Variants in SMPDL3B observed in about 807,000 individuals in gnomAD.
The protein encoded by SMPDL3B is acid sphingomyelinase-like phosphodiesterase 3b.
SMPDL3B carries 31 observed loss-of-function variants against 37.9 expected under a neutral mutation model. The ratio of observed to expected loss-of-function variants is 0.82; its 90% CI spans 0.61 to 1.10. The LOEUF is 1.10. Among genes scored for constraint, SMPDL3B ranks in the 50% least tolerant of loss-of-function variants. The pLI is 0.00. For synonymous variants in SMPDL3B, 235 were observed against 242.6 expected (o/e 0.97, Z 0.29); for missense variants, 525 against 597.8 (o/e 0.88, Z 1.27).
In SMPDL3B at chr1:27,953,240, A is replaced by G; in HGVS notation, c.399A>G (p.Gly133=). ...FPDTKVYAAL[G]NHDFHPKNQF... ...ATACTAAAGTCTATGCTGCTTTGGGAAATCATGATTTTCACCCCAAAAACC... is the reference window on the plus strand; with the variant it reads ...ATACTAAAGTCTATGCTGCTTTGGGGAATCATGATTTTCACCCCAAAAACC... Residue 133 remains glycine (G), a synonymous_variant, in exon 4 of 8, where the codon GGA becomes GGG. Transcript: ENST00000373894. The G allele has an allele frequency of 6.2e-7, 1 of 1,613,666 alleles. No homozygotes were observed. Among genetic ancestry groups the G allele is most frequent in the South Asian group, 1.1e-5 (1 of 91,022 alleles).
rs1421556651 is a variant in SMPDL3B, at chr1:27,953,367, A to G, written c.517+9A>G. On this transcript the variant is annotated intron_variant, in intron 4 of 7. Transcript: ENST00000373894. ...CGCTCTCTTCAAAAAAGGTACCAAC[A>G]CCACCTGCTCCTATCAAGAGCACTT... 2 of 1,607,366 alleles carry G rather than the reference A, an allele frequency of 1.2e-6. No homozygotes were observed. The highest frequency in any genetic ancestry group is 2.2e-5 in the East Asian group (1 of 44,822).
rs763002127 is a variant in SMPDL3B at position 27,953,273 on chromosome 1, A to C, written c.432A>C (p.Pro144=). The C allele has an allele frequency of 6.2e-7, 1 of 1,613,812 alleles. No individual in the cohort carries two copies. Among genetic ancestry groups the C allele is most frequent in the Admixed American group, 1.7e-5 (1 of 60,018 alleles). ...NHDFHPKNQF[P]AGSNNIYNQI... is the part of the protein sequence containing the mutation. The stretch of plus-strand genomic sequence containing the variant: ...ATTTTCACCCCAAAAACCAGTTCCC[A>C]GCTGGAAGTAACAACATCTACAATC... The change falls in exon 4 of 8, where the codon CCA becomes CCC. Residue 144 remains proline, a synonymous_variant. Coordinates refer to ENST00000373894, the MANE Select transcript of SMPDL3B (RefSeq NM_014474.4).
intron 1 of SMPDL3B, among the ~76,000 whole-genome samples, chr1:27,944,442 C>A (rs1197046112): frequency 6.6e-6 from 1 of 152,142 alleles, no homozygotes; most frequent in East Asian, 1.9e-4. Context: ...GCAGCCTCCA[C>A]CTCCTGGGCT....
At position 27,955,742 on chromosome 1, in the gene SMPDL3B, G is replaced by T. The variant is rs1481676470; in HGVS notation, c.749G>T (p.Trp250Leu). ...TTTGAGAAGACGCAAAACAAGGCAT[G>T]GTTCCGGGAGGGCTTCAATGAAAAA... ...GFFEKTQNKA[W>L]FREGFNEKYL... Residue 250 changes from tryptophan to leucine, a missense_variant, in exon 6 of 8, where the codon TGG becomes TTG. By Grantham distance (61) the Trp-to-Leu change is moderately conservative. Transcript: ENST00000373894. The T allele has an allele frequency of 2.5e-6, 4 of 1,614,044 alleles. No homozygotes were observed. The highest frequency in any genetic ancestry group is 3.3e-5 in the Admixed American group (2 of 60,002).
Position 27,958,379 on chromosome 1 carries a change from C to A in SMPDL3B, c.1006-97C>A, listed in dbSNP as rs1324508946. Reference sequence around the variant, plus strand: ...CTCAATAACTACTAGTGGTCATGGTCACTGCTCTAAAGAACTTGGGGGCAA... The same window carrying A: ...CTCAATAACTACTAGTGGTCATGGTAACTGCTCTAAAGAACTTGGGGGCAA... On this transcript the variant is annotated intron_variant, in intron 7 of 7. Coordinates refer to ENST00000373894, the MANE Select transcript of SMPDL3B (RefSeq NM_014474.4). The surrounding 1 kb of genome is among the most constrained non-coding windows in gnomAD (Gnocchi z 5.6). The A allele has an allele frequency of 6.8e-7, 1 of 1,476,556 alleles. No homozygotes were observed. Among genetic ancestry groups the A allele is most frequent in the African/African-American group, 1.4e-5 (1 of 71,504 alleles). 91.5% of individuals were successfully genotyped at this position (1,476,556 alleles called of 1,614,324 possible). A position where few individuals can be genotyped will look rare whatever the true frequency, so the allele number is the denominator to read the frequency against.
chr1:27,938,916 T>G (rs1304435419), intron 1 of SMPDL3B: 1 of 152,230 alleles, frequency 6.6e-6, no homozygotes, highest in Non-Finnish European at 1.5e-5. Context: ...ACTTATGATA[T>G]TTTCAATTTT....
chr1:27,949,237 A>G, intron 3 of SMPDL3B, 75 bp downstream of exon 3: 1 of 1,457,450 alleles, frequency 6.9e-7, no homozygotes. Flanking sequence ...GGACAACAGC[A>G]GCAGCGAGTG....
At chr1:27,956,134 A>C in intron 7 of SMPDL3B, 52 bp downstream of exon 7, 1 of 1,613,842 alleles carries the variant, frequency 6.2e-7, no homozygotes, top group Non-Finnish European at 8.5e-7. Context: ...GCTTAAATGC[A>C]TCACCACCTT....
At chr1:27,935,309 C>A in intron 1 of SMPDL3B, 65 bp downstream of exon 1, 2 of 1,252,402 alleles carry the variant, frequency 1.6e-6, no homozygotes, top group Non-Finnish European at 2.3e-6. Context: ...CTGCGGGAAG[C>A]TGCTCGCAGC....
In SMPDL3B at chr1:27,958,722, C is replaced by T. The variant is rs142942451; in HGVS notation, c.1252C>T (p.Arg418Cys). ...ACSMQHVCAM[R>C]QVDIDAYTTC... ...CAGCATGCAGCACGTGTGTGCCATG[C>T]GCCAGGTGGACATTGACGCTTACAC... Residue 418 changes from arginine to cysteine, a missense_variant, in exon 8 of 8, where the codon CGC (arginine) becomes TGC (cysteine). Transcript: ENST00000373894. This position sits in a 1 kb window ranked among gnomAD's most constrained non-coding sequence, Gnocchi z 5.6. 21 of 1,613,824 alleles carry T rather than the reference C, an allele frequency of 1.3e-5. No individual in the cohort carries two copies. The highest frequency in any genetic ancestry group is 6.7e-5 in the African/African-American group (5 of 75,072).
chr1:27,958,450 C>A lies in SMPDL3B; in HGVS notation c.1006-26C>A. ...ATGGAAGCAGACAACTGCTCACAGC[C>A]GGTCTACCCCAAACCCTTTTTCCAG... On this transcript the variant is annotated intron_variant, in intron 7 of 7. Transcript: ENST00000373894. The surrounding 1 kb of genome is among the most constrained non-coding windows in gnomAD (Gnocchi z 5.6). The A allele has an allele frequency of 1.3e-6, 2 of 1,572,434 alleles. No homozygotes were observed. Among genetic ancestry groups the A allele is most frequent in the Middle Eastern group, 1.9e-4 (1 of 5,204 alleles).
intron 1 of SMPDL3B, chr1:27,938,981 A>G (rs1557490353): frequency 6.6e-6 from 1 of 152,252 alleles, no homozygotes; most frequent in Non-Finnish European, 1.5e-5. Context: ...CTCCAAGGCC[A>G]TGCTGGTAGG....
At position 27,958,804 on chromosome 1, in the gene SMPDL3B, T is replaced by G. The variant is rs541198947; in HGVS notation, c.1334T>G (p.Met445Arg). 1.9e-6 allele frequency: 3 copies of G among 1,605,922 alleles called. No homozygotes were observed. Among genetic ancestry groups the G allele is most frequent in the Non-Finnish European group, 2.6e-6 (3 of 1,174,916 alleles). ...GTGCCCCAGCTCCCGCTGCTGCTGA[T>G]GGCCCTGCTGGGCCTGTGCACGCTC... is the stretch of plus-strand genomic sequence containing the variant. ...TPVPQLPLLL[M>R]ALLGLCTLVL The change falls in exon 8 of 8, where the codon ATG (methionine) becomes AGG (arginine). Residue 445 changes from methionine to arginine, a missense_variant. Met to Arg is a moderately conservative substitution (Grantham distance 91, BLOSUM62 -1). Transcript: ENST00000373894. The surrounding 1 kb of genome is among the most constrained non-coding windows in gnomAD (Gnocchi z 5.6).
intron 2 of SMPDL3B, among the ~76,000 whole-genome samples, chr1:27,948,726 C>G (rs1303286202): frequency 1.3e-5 from 2 of 152,210 alleles, no homozygotes; most frequent in Non-Finnish European, 2.9e-5. Flanking sequence ...AACCTAGCAG[C>G]TACTCTTACT....
intron 3 of SMPDL3B, among the ~76,000 whole-genome samples, chr1:27,952,946 TC>T (rs919243280): frequency 6.6e-6 from 1 of 152,220 alleles, no homozygotes; most frequent in African/African-American, 2.4e-5. Flanking sequence ...TTTCCCCTTC[TC>T]ATCATCTGCT....
intron 4 of SMPDL3B, among the ~76,000 whole-genome samples, chr1:27,953,607 C>T (rs1020217620): frequency 6.6e-6 from 1 of 152,154 alleles, no homozygotes; most frequent in African/African-American, 2.4e-5. Context: ...TTACTGTGTG[C>T]GAGGCACTGC....
At position 27,958,862 on chromosome 1, in the gene SMPDL3B, G is replaced by C; in HGVS notation, c.*24G>C. 3 of 1,531,396 alleles carry C rather than the reference G, an allele frequency of 2.0e-6. No individual in the cohort carries two copies. Among genetic ancestry groups the C allele is most frequent in the Non-Finnish European group, 2.6e-6 (3 of 1,135,550 alleles). 94.9% of individuals were successfully genotyped at this position (1,531,396 alleles called of 1,614,324 possible). Reference sequence around the variant, plus strand: ...GACCTGCCAGGCTCACCTTCTTCCTGGTAACGGGTAACGGGGGCAGCGCCC... The same window carrying C: ...GACCTGCCAGGCTCACCTTCTTCCTCGTAACGGGTAACGGGGGCAGCGCCC... On this transcript the variant is annotated 3_prime_UTR_variant, in exon 8 of 8. Transcript: ENST00000373894. The surrounding 1 kb of genome is among the most constrained non-coding windows in gnomAD (Gnocchi z 5.6).
At chr1:27,935,959 G>C (rs761599251) in intron 1 of SMPDL3B, among the ~76,000 whole-genome samples, 4 of 152,148 alleles carry the variant, frequency 2.6e-5, no homozygotes, top group Non-Finnish European at 5.9e-5. Context: ...CAGGACAAGT[G>C]GGGGTGAGGT....
intron 3 of SMPDL3B, among the ~76,000 whole-genome samples, chr1:27,950,809 T>C (rs985016593): frequency 8.5e-5 from 13 of 152,190 alleles, no homozygotes; most frequent in South Asian, 2.1e-4. Flanking sequence ...TTAGTATTTT[T>C]GGTAGAGATG....
Sources: gnomAD v4.1 joint callset for allele counts (sites outside exome capture counted in the v4.1 genomes callset) on GRCh38, gnomAD v4.1.1 for gene constraint, Gnocchi (gnomAD v3.1) non-coding constraint, MANE v1.5 for transcripts, NCBI Gene and HGNC (gene_info 2026-07-23, HGNC 2026-07-21) for gene names.